CTIF: variants seen among roughly 807,000 people sequenced by gnomAD.
The protein encoded by CTIF is CBP80/20-dependent translation initiation factor.
A neutral mutation model predicts 66.0 loss-of-function variants in CTIF; 21 were observed. The ratio of observed to expected loss-of-function variants is 0.32; its 90% CI spans 0.23 to 0.46. The LOEUF (loss-of-function observed/expected upper bound fraction) is 0.46. CTIF is among the 20% of genes least tolerant of loss of function. The probability of loss-of-function intolerance (pLI) is 1.00; values close to 1 mark genes in which losing one functional copy is unlikely to be tolerated. For missense variants in CTIF, 739 were observed against 812.7 expected (o/e 0.91, Z 1.10); for synonymous variants, 345 against 326.4 (o/e 1.06, Z -0.62).
intron 10 of CTIF, among the ~76,000 whole-genome samples, chr18:48,836,894 C>T (rs970423416): frequency 9.9e-5 from 15 of 152,240 alleles, no homozygotes; most frequent in Non-Finnish European, 4.4e-5. Flanking sequence ...TGAGAGGGCG[C>T]CGGGGCCCAG....
chr18:48,631,709 C>T (rs1450592175), intron 2 of CTIF, among the ~76,000 whole-genome samples: 1 of 152,156 alleles, frequency 6.6e-6, no homozygotes, highest in Non-Finnish European at 1.5e-5. Context: ...TGGTTGAGGC[C>T]TTTAAACCAC....
chr18:48,570,972 C>T (rs888852945), intron 1 of CTIF, among the ~76,000 whole-genome samples: 16 of 152,012 alleles, frequency 1.1e-4, no homozygotes, highest in African/African-American at 9.7e-5. Flanking sequence ...CACAACAGTG[C>T]GAATGTACTA....
intron 3 of CTIF, among the ~76,000 whole-genome samples, chr18:48,654,344 A>G (rs1398095742): frequency 6.6e-6 from 1 of 152,254 alleles, no homozygotes; most frequent in Admixed American, 6.5e-5. Flanking sequence ...AAAAGAAGAT[A>G]TTTATGCAGC....
At chr18:48,618,657 G>A (rs868815614) in intron 1 of CTIF, among the ~76,000 whole-genome samples, 2 of 152,178 alleles carry the variant, frequency 1.3e-5, no homozygotes, top group Non-Finnish European at 2.9e-5. Flanking sequence ...CAGAGAGGGC[G>A]GTGGCGGTGA....
In CTIF at chr18:48,592,079, C is replaced by T. The variant is rs910584469; in HGVS notation, c.-28-27459C>T. 3.3e-5 allele frequency among the ~76,000 whole-genome samples: 5 copies of T among 152,144 alleles called. No homozygotes were observed. The East Asian group carries it at 9.6e-4, about 29-fold the overall frequency. On this transcript the variant is annotated intron_variant, in intron 1 of 11. Transcript: ENST00000256413. ...TGCTGTGCTTTTTCTACTGAAACAC[C>T]CCGGTATTATCTGTGGGTTTTAGGA...
chr18:48,835,774 G>A (rs977853760), intron 10 of CTIF, among the ~76,000 whole-genome samples: 2 of 152,172 alleles, frequency 1.3e-5, no homozygotes, highest in Admixed American at 6.5e-5. Context: ...GTCAGGCCAG[G>A]TGTGGAGAGG....
intron 7 of CTIF, among the ~76,000 whole-genome samples, chr18:48,734,973 G>C (rs56366092): frequency 0.011 from 1,710 of 152,294 alleles, 9 homozygotes; most frequent in Non-Finnish European, 0.018. Context: ...GCACATGTGT[G>C]TTTATATGCA....
chr18:48,602,737 G>A (rs986143459), intron 1 of CTIF, among the ~76,000 whole-genome samples: 8 of 152,196 alleles, frequency 5.3e-5, no homozygotes, highest in Admixed American at 1.3e-4. Flanking sequence ...TTTTGTGTCC[G>A]TAACATTCAA....
intron 1 of CTIF, among the ~76,000 whole-genome samples, chr18:48,603,138 GTGGA>G (rs143398766): frequency 2.9e-3 from 388 of 133,076 alleles, no homozygotes; most frequent in East Asian, 5.8e-3. Context: ...TGGCTAGATA[GTGGA>G]TGGATGGATG....
At chr18:48,688,983 C>G (rs540481349) in intron 6 of CTIF, among the ~76,000 whole-genome samples, 152 of 152,360 alleles carry the variant, frequency 1.0e-3, no homozygotes, top group African/African-American at 3.5e-3. Flanking sequence ...CTGCTAATGG[C>G]CGAGGTTCCC....
At chr18:48,632,370 G>A (rs925206284) in intron 2 of CTIF, among the ~76,000 whole-genome samples, 9 of 152,152 alleles carry the variant, frequency 5.9e-5, no homozygotes, top group Admixed American at 1.3e-4. Context: ...GGTTGTGCCC[G>A]CCTCCGGCTT....
intron 9 of CTIF, among the ~76,000 whole-genome samples, chr18:48,808,273 A>T (rs1189442783): frequency 6.6e-6 from 1 of 152,182 alleles, no homozygotes; most frequent in Non-Finnish European, 1.5e-5. Context: ...TTGACACAGG[A>T]TTTACCTCTT....
chr18:48,567,524 T>G (rs1176184484), intron 1 of CTIF: 1 of 152,162 alleles, frequency 6.6e-6, no homozygotes, highest in Non-Finnish European at 1.5e-5. Context: ...GGGACGACGA[T>G]AGTTGAGTAA....
chr18:48,779,247 A>T (rs1459422968), intron 9 of CTIF, among the ~76,000 whole-genome samples: 1 of 152,206 alleles, frequency 6.6e-6, no homozygotes, highest in Non-Finnish European at 1.5e-5. Context: ...CACTGGCTGG[A>T]TACCAGCTGT....
At chr18:48,751,106 G>A (rs1333358574) in intron 7 of CTIF, among the ~76,000 whole-genome samples, 1 of 152,214 alleles carries the variant, frequency 6.6e-6, no homozygotes, top group Non-Finnish European at 1.5e-5. Flanking sequence ...CTTCCTACAT[G>A]CTAGCTATGA....
In CTIF at chr18:48,817,347, G is replaced by T; in HGVS notation, c.1498G>T (p.Val500Leu). Reference protein sequence around the residue: ...SSTGEPFRVLVCPIYTCLREL... With the variant: ...SSTGEPFRVLLCPIYTCLREL... ...CACAGGCGAGCCCTTCCGTGTGCTC[G>T]TGTGCCCCATCTACACCTGCCTCAG... The change falls in exon 10 of 12, where the codon GTG becomes TTG. Residue 500 changes from valine (V) to leucine (L), a missense_variant. Coordinates refer to ENST00000256413, the MANE Select transcript of CTIF (RefSeq NM_014772.3). 6.2e-7 allele frequency: 1 copy of T among 1,612,972 alleles called. No homozygotes were observed. The highest frequency in any genetic ancestry group is 8.5e-7 in the Non-Finnish European group (1 of 1,179,768).
At chr18:48,758,465 A>C in intron 8 of CTIF, 60 bp downstream of exon 8, 1 of 1,540,498 alleles carries the variant, frequency 6.5e-7, no homozygotes, top group South Asian at 1.3e-5. Flanking sequence ...AGAGGTAGGC[A>C]CTTTGGTAGG....
At chr18:48,739,531 C>A (rs1337100875) in intron 7 of CTIF, among the ~76,000 whole-genome samples, 2 of 152,220 alleles carry the variant, frequency 1.3e-5, no homozygotes, top group Non-Finnish European at 2.9e-5. Context: ...TGTGGACGAA[C>A]CTCTCTGCCT....
intron 7 of CTIF, among the ~76,000 whole-genome samples, chr18:48,747,570 A>T (rs911328154): frequency 1.3e-5 from 2 of 152,108 alleles, no homozygotes; most frequent in Non-Finnish European, 2.9e-5. Flanking sequence ...GAAGTGAAAC[A>T]CTTCATTCAG....
Sources: allele counts gnomAD v4.1 joint callset (sites outside exome capture counted in the v4.1 genomes callset), GRCh38; gene constraint gnomAD v4.1.1; transcripts MANE v1.5; gene names NCBI Gene and HGNC (gene_info 2026-07-23, HGNC 2026-07-21).